SLC4A10: variants seen among roughly 807,000 people sequenced by gnomAD.
The protein encoded by SLC4A10 is solute carrier family 4 member 10.
In SLC4A10, 42 loss-of-function variants were observed where a neutral mutation model predicts 137.7. The ratio of observed to expected loss-of-function variants is 0.30; its 90% CI spans 0.24 to 0.39. The LOEUF is 0.39. Ranked by LOEUF, SLC4A10 falls within the 10% of genes least tolerant of loss-of-function variation. The pLI is 1.00. For missense variants in SLC4A10, 925 were observed against 1,355.0 expected, an observed-to-expected ratio of 0.68 and a Z score of 4.98; for synonymous variants, 474 against 464.1, an observed-to-expected ratio of 1.02 and a Z score of -0.27.
chr2:161,933,879 T>G (rs1441373090), intron 15 of SLC4A10, among the ~76,000 whole-genome samples: 1 of 152,220 alleles, frequency 6.6e-6, no homozygotes, highest in East Asian at 1.9e-4. Context: ...GTAGGTCTAT[T>G]AATTTTTTGA....
intron 1 of SLC4A10, among the ~76,000 whole-genome samples, chr2:161,664,706 T>C (rs2038844912): frequency 2.0e-5 from 1 of 50,730 alleles, no homozygotes; most frequent in East Asian, 9.9e-4. Flanking sequence ...TGGGGATTTT[T>C]TCTCCTTTTT....
At chr2:161,958,981 C>T (rs927564300) in intron 21 of SLC4A10, among the ~76,000 whole-genome samples, 2 of 152,130 alleles carry the variant, frequency 1.3e-5, no homozygotes, top group African/African-American at 4.8e-5. Context: ...TCTCTAACTG[C>T]AGTCAAATAA....
At chr2:161,781,646 A>G (rs541814805) in intron 2 of SLC4A10, among the ~76,000 whole-genome samples, 3 of 152,026 alleles carry the variant, frequency 2.0e-5, no homozygotes, top group Non-Finnish European at 4.4e-5. Context: ...AGTTGGGGAC[A>G]CTGGGAGCAA....
chr2:161,949,002 T>G (rs1694324113), intron 17 of SLC4A10, 146 bp from the exon 18 acceptor site: 4 of 527,520 alleles, frequency 7.6e-6, no homozygotes, highest in Non-Finnish European at 1.3e-5. Context: ...CTGACAGAGC[T>G]AATGGTAATC....
At chr2:161,743,441 T>A (rs1246881970) in intron 1 of SLC4A10, among the ~76,000 whole-genome samples, 1 of 152,182 alleles carries the variant, frequency 6.6e-6, no homozygotes, top group Non-Finnish European at 1.5e-5. Flanking sequence ...ATGTATGGAT[T>A]TATGTTTGGG....
chr2:161,905,562 G>A (rs1271362777), intron 14 of SLC4A10, 80 bp from the exon 15 acceptor site: 16 of 1,504,482 alleles, frequency 1.1e-5, no homozygotes, highest in East Asian at 2.3e-5. Flanking sequence ...CCTGAATGAG[G>A]TTTATTTTCA....
At chr2:161,825,071 A>G (rs1039632536) in intron 3 of SLC4A10, among the ~76,000 whole-genome samples, 2 of 152,184 alleles carry the variant, frequency 1.3e-5, no homozygotes, top group African/African-American at 4.8e-5. Flanking sequence ...TTATTGTAAA[A>G]ATACAGTACA....
At chr2:161,680,238 A>C (rs2040709015) in intron 1 of SLC4A10, among the ~76,000 whole-genome samples, 1 of 152,152 alleles carries the variant, frequency 6.6e-6, no homozygotes, top group South Asian at 2.1e-4. Flanking sequence ...CTGTGAACTT[A>C]TTAAGGGCAA....
In SLC4A10 at chr2:161,844,434, C is replaced by A. The variant is rs1255758327; in HGVS notation, c.416+4507C>A. 3.9e-5 allele frequency among the ~76,000 whole-genome samples: 6 copies of A among 151,948 alleles called. No homozygotes were observed. The East Asian group carries it at 1.2e-3, about 29-fold the overall frequency. On this transcript the variant is annotated intron_variant, in intron 4 of 26. Transcript: ENST00000446997. ...TCCCCTTAAGATGACTATAGGTATTCTTTGATTACATGTTATTCTCTAGCT... is the reference window on the plus strand; with the variant it reads ...TCCCCTTAAGATGACTATAGGTATTATTTGATTACATGTTATTCTCTAGCT...
chr2:161,886,170 A>G (rs2062262425), intron 10 of SLC4A10, among the ~76,000 whole-genome samples: 2 of 152,172 alleles, frequency 1.3e-5, no homozygotes, highest in South Asian at 4.1e-4. Flanking sequence ...AATGAAAACA[A>G]AAACAAACAA....
chr2:161,625,898 G>A (rs921978348), intron 1 of SLC4A10, among the ~76,000 whole-genome samples: 2 of 151,966 alleles, frequency 1.3e-5, no homozygotes, highest in Middle Eastern at 3.4e-3. Context: ...GGGAGAAAGG[G>A]AACAGGAGAA....
At chr2:161,761,232 A>G (rs1394635922) in intron 1 of SLC4A10, among the ~76,000 whole-genome samples, 1 of 152,020 alleles carries the variant, frequency 6.6e-6, no homozygotes, top group Admixed American at 6.6e-5. Context: ...TGCCTTCCAG[A>G]ATGGGAGAAT....
At chr2:161,681,640 C>T (rs1394255562) in intron 1 of SLC4A10, among the ~76,000 whole-genome samples, 1 of 152,128 alleles carries the variant, frequency 6.6e-6, no homozygotes. Flanking sequence ...CTCAATTAAA[C>T]ACCTTCTGAC....
At chr2:161,673,839 A>T (rs975704740) in intron 1 of SLC4A10, among the ~76,000 whole-genome samples, 1 of 152,030 alleles carries the variant, frequency 6.6e-6, no homozygotes, top group African/African-American at 2.4e-5. Context: ...AAAATACAAA[A>T]ATTAGCTGGG....
Position 161,839,679 on chromosome 2 carries a change from G to GC in SLC4A10, c.278-109dup, listed in dbSNP as rs1180859317. 2.4e-6 allele frequency: 3 copies of GC among 1,231,942 alleles called. No homozygotes were observed. In the African/African-American group the frequency reaches 4.4e-5, roughly 18 times the overall value. The allele number at this position is 1,231,942 out of a possible 1,614,324, so 76.3% of individuals were successfully genotyped here. A position where few individuals can be genotyped will look rare whatever the true frequency, so the allele number is the denominator to read the frequency against. On this transcript the variant is annotated intron_variant, in intron 3 of 26. Transcript: ENST00000446997. ...GCAGTGGGGAGCAGGGGAGGTGTGA[G>GC]CTTGGGGTGGTGCGAGCTTGGGGTG...
intron 1 of SLC4A10, among the ~76,000 whole-genome samples, chr2:161,762,819 G>A (rs921371147): frequency 6.6e-5 from 10 of 152,070 alleles, no homozygotes; most frequent in African/African-American, 2.2e-4. Context: ...TAACGTTAAT[G>A]AGAATTGAAA....
intron 15 of SLC4A10, among the ~76,000 whole-genome samples, chr2:161,917,577 A>G (rs958844080): frequency 9.4e-5 from 11 of 116,762 alleles, no homozygotes; most frequent in African/African-American, 3.4e-4. Context: ...GACCCTGTCT[A>G]AAAAAAAAAA....
chr2:161,929,386 A>G (rs911288083), intron 15 of SLC4A10, among the ~76,000 whole-genome samples: 1 of 152,244 alleles, frequency 6.6e-6, no homozygotes, highest in Non-Finnish European at 1.5e-5. Flanking sequence ...GAATTATAGG[A>G]CTATATCTAT....
chr2:161,816,895 T>G (rs987280582), intron 3 of SLC4A10, among the ~76,000 whole-genome samples: 9 of 152,268 alleles, frequency 5.9e-5, no homozygotes, highest in African/African-American at 2.2e-4. Context: ...GACATTTGGG[T>G]TGGTTCCAAG....
Sources: allele counts gnomAD v4.1 joint callset (sites outside exome capture counted in the v4.1 genomes callset), GRCh38; gene constraint gnomAD v4.1.1; transcripts MANE v1.5; gene names NCBI Gene and HGNC (gene_info 2026-07-23, HGNC 2026-07-21).